Variants in SAMD12 observed in about 807,000 individuals in gnomAD.
The protein encoded by SAMD12 is sterile alpha motif domain containing 12, also known as sterile alpha motif domain-containing protein 12.
SAMD12 carries 9 observed loss-of-function variants against 15.0 expected under a neutral mutation model. The observed-to-expected ratio is 0.60, with a 90% CI of 0.36 to 1.05. The LOEUF (loss-of-function observed/expected upper bound fraction) is 1.05. Ranked by LOEUF, SAMD12 falls within the 50% of genes least tolerant of loss-of-function variation. The pLI is 0.01. For synonymous variants in SAMD12, 86 were observed against 90.1 expected (o/e 0.96, Z 0.25); for missense variants, 230 against 234.2 (o/e 0.98, Z 0.12).
the SAMD12 span, among the ~76,000 whole-genome samples, chr8:118,162,333 A>G: frequency 6.7e-6 from 1 of 150,362 alleles, no homozygotes; most frequent in Middle Eastern, 3.4e-3. Flanking sequence ...GTTTATTGTA[A>G]TGTAAAGTGT....
chr8:118,292,743 C>T (rs1012550381), intron 4 of SAMD12, among the ~76,000 whole-genome samples: 1 of 152,008 alleles, frequency 6.6e-6, no homozygotes. Context: ...GAGTTCATGT[C>T]CTTGGTAGGG....
intron 4 of SAMD12, among the ~76,000 whole-genome samples, chr8:118,356,920 G>A (rs1563790830): frequency 6.6e-6 from 1 of 152,106 alleles, no homozygotes; most frequent in Non-Finnish European, 1.5e-5. Context: ...GATCCTATCT[G>A]CAAACAGATC....
chr8:118,554,411 T>C lies in SAMD12; in HGVS notation c.192+26304A>G, dbSNP rs529273954. Among the ~76,000 whole-genome samples, 57 of 152,040 alleles carry C rather than the reference T, an allele frequency of 3.7e-4. No individual in the cohort carries two copies. The South Asian group carries it at 0.011, about 29-fold the overall frequency. On this transcript the variant is annotated intron_variant, in intron 2 of 3. Coordinates refer to ENST00000314727, the MANE Select transcript of SAMD12 (RefSeq NM_207506.3). The stretch of plus-strand genomic sequence containing the variant: ...ACATGGATGAAATTGGAAATCATCA[T>C]TCTCAGTAAACTATCGCAAGAACAA...
At chr8:118,360,634 C>T (rs564127098) in intron 4 of SAMD12, among the ~76,000 whole-genome samples, 3 of 152,238 alleles carry the variant, frequency 2.0e-5, no homozygotes, top group East Asian at 1.9e-4. Context: ...CAAGGGACCT[C>T]GAAGATGCTG....
chr8:118,350,320 T>A (rs1229119200), intron 4 of SAMD12, among the ~76,000 whole-genome samples: 1 of 152,234 alleles, frequency 6.6e-6, no homozygotes, highest in Non-Finnish European at 1.5e-5. Context: ...TACCTCATCA[T>A]GCTGTGGTTT....
chr8:118,430,205 G>A (rs1253313755), intron 3 of SAMD12, among the ~76,000 whole-genome samples: 1 of 152,166 alleles, frequency 6.6e-6, no homozygotes, highest in Non-Finnish European at 1.5e-5. Context: ...CAGATCATCA[G>A]AGAGTGATGT....
chr8:118,424,600 A>G (rs974501131), intron 3 of SAMD12, among the ~76,000 whole-genome samples: 1 of 152,216 alleles, frequency 6.6e-6, no homozygotes, highest in African/African-American at 2.4e-5. Flanking sequence ...GGAATTGAAA[A>G]ATATCTCTAA....
chr8:118,330,216 TG>T (rs2130494659), intron 4 of SAMD12, among the ~76,000 whole-genome samples: 1 of 152,286 alleles, frequency 6.6e-6, no homozygotes, highest in East Asian at 1.9e-4. Flanking sequence ...GTAGCTACGT[TG>T]GATTTAAGTA....
chr8:118,163,582 C>T, the SAMD12 span, among the ~76,000 whole-genome samples: 1 of 151,706 alleles, frequency 6.6e-6, no homozygotes, highest in Non-Finnish European at 1.5e-5. Flanking sequence ...AGAGCAAAAC[C>T]TGGGGAGCTT....
intron 4 of SAMD12, among the ~76,000 whole-genome samples, chr8:118,346,838 A>T (rs774346536): frequency 9.2e-5 from 14 of 152,178 alleles, no homozygotes; most frequent in African/African-American, 3.1e-4. Context: ...GAATTCCTCT[A>T]ACAAGGAGTT....
At chr8:118,567,053 CAT>C (rs1220640253) in intron 2 of SAMD12, among the ~76,000 whole-genome samples, 3 of 152,146 alleles carry the variant, frequency 2.0e-5, no homozygotes, top group African/African-American at 4.8e-5. Context: ...GTAAAAATCT[CAT>C]ATAGTGCCTA....
intron 4 of SAMD12, among the ~76,000 whole-genome samples, chr8:118,365,519 C>T (rs1178813342): frequency 2.0e-5 from 3 of 152,122 alleles, no homozygotes; most frequent in Non-Finnish European, 4.4e-5. Context: ...CCCTTGGACA[C>T]TGTAGCTACT....
chr8:118,384,844 T>C (rs1819866823), intron 3 of SAMD12, among the ~76,000 whole-genome samples: 2 of 152,174 alleles, frequency 1.3e-5, no homozygotes, highest in African/African-American at 2.4e-5. Flanking sequence ...AAGGTAAGCA[T>C]AGGCATATCC....
intron 4 of SAMD12, among the ~76,000 whole-genome samples, chr8:118,347,623 T>C (rs916406609): frequency 2.0e-5 from 3 of 151,960 alleles, no homozygotes; most frequent in Admixed American, 1.3e-4. Flanking sequence ...TTTAAATGTA[T>C]ATTTTCCAAA....
At chr8:118,462,254 T>C (rs1164450721) in intron 2 of SAMD12, among the ~76,000 whole-genome samples, 1 of 152,244 alleles carries the variant, frequency 6.6e-6, no homozygotes, top group Non-Finnish European at 1.5e-5. Context: ...AATAGCCTTG[T>C]CTTGCTTCTT....
chr8:118,392,915 G>A (rs1206750570), intron 3 of SAMD12, among the ~76,000 whole-genome samples: 1 of 152,066 alleles, frequency 6.6e-6, no homozygotes, highest in African/African-American at 2.4e-5. Flanking sequence ...ACTACCCCTG[G>A]TTGAGAACCA....
At chr8:118,397,757 T>TC (rs1229073001) in intron 3 of SAMD12, among the ~76,000 whole-genome samples, 1 of 151,356 alleles carries the variant, frequency 6.6e-6, no homozygotes, top group African/African-American at 2.4e-5. Context: ...TCAACTATTA[T>TC]CCCCATTTTA....
chr8:118,449,811 AAAAAAACAAC>A (rs1823024071), intron 2 of SAMD12, among the ~76,000 whole-genome samples: 1 of 147,166 alleles, frequency 6.8e-6, no homozygotes, highest in African/African-American at 2.7e-5. Context: ...AAAAAAAAAA[AAAAAAACAAC>A]AAAAAAAAAG....
chr8:118,238,274 T>G (rs572969607), intron 4 of SAMD12, among the ~76,000 whole-genome samples: 1 of 152,264 alleles, frequency 6.6e-6, no homozygotes, highest in Non-Finnish European at 1.5e-5. Context: ...GCCAATATTT[T>G]TGGTCTCAAG....
Sources: gnomAD v4.1 joint callset for allele counts (sites outside exome capture counted in the v4.1 genomes callset) on GRCh38, gnomAD v4.1.1 for gene constraint, MANE v1.5 for transcripts, NCBI Gene and HGNC (gene_info 2026-07-23, HGNC 2026-07-21) for gene names.